ZDHHC6: variants seen among roughly 807,000 people sequenced by gnomAD.
ZDHHC6 encodes zDHHC palmitoyltransferase 6.
ZDHHC6 carries 32 observed loss-of-function variants against 57.8 expected under a neutral mutation model. The observed-to-expected ratio is 0.55, with a 90% CI of 0.42 to 0.74. The LOEUF is 0.74. ZDHHC6 is among the 30% of genes least tolerant of loss of function. ZDHHC6 has a pLI of 0.00. For missense variants in ZDHHC6, 433 were observed against 500.7 expected (o/e 0.86, Z 1.29); for synonymous variants, 128 against 158.0 (o/e 0.81, Z 1.42).
chr10:112,426,062 T>C (rs896119299), downstream of ZDHHC6, among the ~76,000 whole-genome samples: 1 of 146,716 alleles, frequency 6.8e-6, no homozygotes. Context: ...ATCTTTGTAA[T>C]GAGATATTGA....
intron 7 of ZDHHC6, among the ~76,000 whole-genome samples, chr10:112,434,081 T>C (rs1183140107): frequency 6.6e-6 from 1 of 152,140 alleles, no homozygotes; most frequent in Non-Finnish European, 1.5e-5. Flanking sequence ...TGTTAAGGGA[T>C]CAGGACTTTA....
chr10:112,437,593 G>A (rs981063332), intron 6 of ZDHHC6, among the ~76,000 whole-genome samples: 1 of 152,212 alleles, frequency 6.6e-6, no homozygotes, highest in African/African-American at 2.4e-5. Flanking sequence ...ACTGAATGCA[G>A]AAGTGAGAAT....
chr10:112,446,947 T>A (rs1408637608), upstream of ZDHHC6: 3 of 230,610 alleles, frequency 1.3e-5, no homozygotes, highest in African/African-American at 2.2e-5. Context: ...TCTCTGTTAC[T>A]GTCACTTCCG....
At chr10:112,426,207 T>C (rs538660832), downstream of ZDHHC6, 174 of 1,425,968 alleles carry the variant, frequency 1.2e-4, 1 homozygote, top group Middle Eastern at 1.9e-3. Flanking sequence ...CTGGGGGACA[T>C]CCCTACATAA....
chr10:112,437,578 A>G (rs191761241), intron 6 of ZDHHC6, among the ~76,000 whole-genome samples: 46 of 152,324 alleles, frequency 3.0e-4, no homozygotes, highest in African/African-American at 1.1e-3. Context: ...AACATATCTC[A>G]ACAGACTGAA....
chr10:112,438,447 C>T, intron 5 of ZDHHC6, 58 bp from the exon 6 acceptor site: 1 of 1,217,530 alleles, frequency 8.2e-7, no homozygotes, highest in Non-Finnish European at 1.1e-6. Flanking sequence ...TTAAGATTAT[C>T]ATATTCATAA....
intron 6 of ZDHHC6, among the ~76,000 whole-genome samples, chr10:112,435,984 G>C (rs894698111): frequency 3.9e-5 from 6 of 152,284 alleles, no homozygotes; most frequent in African/African-American, 1.2e-4. Context: ...TATCCAGGAA[G>C]GGTCCTTGGG....
chr10:112,425,218 C>A, exon 12 of ZDHHC6: 1 of 899,112 alleles, frequency 1.1e-6, no homozygotes, highest in Non-Finnish European at 1.6e-6. Context: ...TGAAAGACAG[C>A]TCAAAAGTCT....
intron 5 of ZDHHC6, among the ~76,000 whole-genome samples, chr10:112,439,421 A>G (rs1472783825): frequency 6.6e-6 from 1 of 151,832 alleles, no homozygotes; most frequent in Admixed American, 6.6e-5. Context: ...TCACAAGGTC[A>G]GGAGTTCAAG....
chr10:112,438,158 T>C (rs181923674), intron 6 of ZDHHC6, among the ~76,000 whole-genome samples, 178 bp downstream of exon 6: 1 of 152,322 alleles, frequency 6.6e-6, no homozygotes, highest in Non-Finnish European at 1.5e-5. Flanking sequence ...ATGTTTCCTA[T>C]ATTCACCTTT....
downstream of ZDHHC6, chr10:112,427,136 T>TTTC: frequency 7.0e-7 from 1 of 1,434,026 alleles, no homozygotes; most frequent in South Asian, 1.4e-5. Context: ...TCAACCTCAC[T>TTTC]TTCTTCACAG....
At chr10:112,446,924 G>GC, upstream of ZDHHC6, 1 of 205,360 alleles carries the variant, frequency 4.9e-6, no homozygotes, top group South Asian at 1.2e-4. Flanking sequence ...TCCCGCTCAG[G>GC]CCCCCTGCGC....
At chr10:112,428,124 G>A (rs962066522), downstream of ZDHHC6, 3 of 277,946 alleles carry the variant, frequency 1.1e-5, no homozygotes, top group African/African-American at 6.5e-5. Context: ...TGGAAGCTGT[G>A]GGGGAAGGAG....
downstream of ZDHHC6, among the ~76,000 whole-genome samples, chr10:112,429,842 A>G (rs914501161): frequency 6.6e-6 from 1 of 152,136 alleles, no homozygotes; most frequent in East Asian, 1.9e-4. Context: ...CCTAGGCGGC[A>G]GGGCGCTGGT....
chr10:112,436,610 G>A (rs1845558535), intron 6 of ZDHHC6, among the ~76,000 whole-genome samples: 1 of 152,170 alleles, frequency 6.6e-6, no homozygotes. Context: ...TTTTCTTGCT[G>A]GTCAGCAAGG....
At chr10:112,425,388 C>T (rs753518887), downstream of ZDHHC6, 1 of 1,612,612 alleles carries the variant, frequency 6.2e-7, no homozygotes, top group South Asian at 1.1e-5. Flanking sequence ...TCAAGCTGGC[C>T]CAAGGAGAAT....
chr10:112,439,417 G>A (rs201960595), intron 5 of ZDHHC6, among the ~76,000 whole-genome samples: 1 of 151,692 alleles, frequency 6.6e-6, no homozygotes, highest in African/African-American at 2.4e-5. Context: ...TGGATCACAA[G>A]GTCAGGAGTT....
chr10:112,433,190 C>G, intron 8 of ZDHHC6, 50 bp downstream of exon 8: 1 of 1,485,198 alleles, frequency 6.7e-7, no homozygotes, highest in Non-Finnish European at 9.1e-7. Flanking sequence ...TATGGAAGTA[C>G]AGAGCCTAAC....
At chr10:112,425,242 C>CT in exon 12 of ZDHHC6, 5 of 1,171,214 alleles carry the variant, frequency 4.3e-6, no homozygotes, top group Non-Finnish European at 4.8e-6. Context: ...GAGAAATCAG[C>CT]TTTAGAGAAG....
Sources: allele counts gnomAD v4.1 joint callset (sites outside exome capture counted in the v4.1 genomes callset), GRCh38; gene constraint gnomAD v4.1.1; transcripts MANE v1.5; gene names NCBI Gene and HGNC (gene_info 2026-07-23, HGNC 2026-07-21).